The following GRM8 variants were observed in gnomAD, a reference collection of about 807,000 sequenced individuals.
The protein encoded by GRM8 is metabotropic glutamate receptor 8.
GRM8 carries 47 observed loss-of-function variants against 87.2 expected under a neutral mutation model. That is an observed-to-expected ratio of 0.54 (90% CI 0.43 to 0.69). The LOEUF is 0.69. Among genes scored for constraint, GRM8 ranks in the 30% least tolerant of loss-of-function variants. The probability of loss-of-function intolerance (pLI) is 0.00; values close to 1 mark genes in which losing one functional copy is unlikely to be tolerated. For synonymous variants in GRM8, 396 were observed against 404.5 expected (o/e 0.98, Z 0.25); for missense variants, 1,019 against 1,139.2 (o/e 0.89, Z 1.52).
Position 126,719,989 on chromosome 7 carries a change from T to C in GRM8, c.1357+49876A>G, listed in dbSNP as rs73449091. On this transcript the variant is annotated intron_variant, in intron 7 of 10. Coordinates refer to ENST00000339582, the MANE Select transcript of GRM8 (RefSeq NM_000845.3). ...GATAATTTTATCAGTGTCTCTAATT[T>C]ATAATGTCTCTAGTAAGAGTAGCTG... Among the ~76,000 whole-genome samples, 574 of 152,198 alleles carry C rather than the reference T, an allele frequency of 3.8e-3. 5 individuals carry two copies. The highest frequency in any genetic ancestry group is 0.013 in the African/African-American group (529 of 41,556).
intron 1 of GRM8, among the ~76,000 whole-genome samples, chr7:127,249,501 C>G (rs563421761): frequency 6.6e-6 from 1 of 152,242 alleles, no homozygotes; most frequent in South Asian, 2.1e-4. Context: ...GAGTCAGGAG[C>G]GTCTCAACAG....
chr7:126,904,568 A>G lies in GRM8; in HGVS notation c.843T>C (p.Phe281=). The change falls in exon 4 of 11, where the codon TTT becomes TTC. Residue 281 remains phenylalanine (F), a synonymous_variant. Coordinates refer to ENST00000339582, the MANE Select transcript of GRM8 (RefSeq NM_000845.3). ...ETPNARAVIM[F]ANEDDIRRIL... is the part of the protein sequence containing the mutation. ...AGCACCTGATGTCATCCTCATTGGC[A>G]AACATAATCACTGCTCGAGCATTAG... 1 of 1,613,794 alleles carries G rather than the reference A, an allele frequency of 6.2e-7. No individual in the cohort carries two copies. The highest frequency in any genetic ancestry group is 1.3e-5 in the African/African-American group (1 of 75,044).
intron 6 of GRM8, among the ~76,000 whole-genome samples, chr7:126,792,181 G>T (rs1198052254): frequency 6.6e-6 from 1 of 152,166 alleles, no homozygotes; most frequent in East Asian, 1.9e-4. Flanking sequence ...CTCCAGTCCT[G>T]GGTGGCCTCT....
chr7:127,117,915 C>A (rs1453609212), intron 2 of GRM8, among the ~76,000 whole-genome samples: 3 of 152,214 alleles, frequency 2.0e-5, no homozygotes, highest in Admixed American at 6.5e-5. Flanking sequence ...TCGATTTAGA[C>A]TGGCATTCTG....
In GRM8 at chr7:126,921,321, A is replaced by G. The variant is rs1385522099; in HGVS notation, c.728-16638T>C. 2.0e-5 allele frequency among the ~76,000 whole-genome samples: 3 copies of G among 152,280 alleles called. No individual in the cohort carries two copies. The East Asian group carries it at 5.8e-4, about 29-fold the overall frequency. ...AGCAAGTAGAGAAAACATTTCAGAA[A>G]GCAAAACAAATGAAAATGACCATAA... On this transcript the variant is annotated intron_variant, in intron 3 of 10. Transcript: ENST00000339582.
At position 126,484,020 on chromosome 7, in the gene GRM8, C is replaced by T. The variant is rs115131810; in HGVS notation, c.2431-37648G>A. On this transcript the variant is annotated intron_variant, in intron 9 of 10. Coordinates refer to ENST00000339582, the MANE Select transcript of GRM8 (RefSeq NM_000845.3). Reference sequence around the variant, plus strand: ...TATCACAGGTACTTTTGGAAAAGTGCTTTGCTTCATAATAATTACCCTATC... The same window carrying T: ...TATCACAGGTACTTTTGGAAAAGTGTTTTGCTTCATAATAATTACCCTATC... Among the ~76,000 whole-genome samples the T allele has an allele frequency of 4.2e-3, 633 of 152,110 alleles. 5 individuals are homozygous for T. Among genetic ancestry groups the T allele is most frequent in the African/African-American group, 0.015 (610 of 41,512 alleles).
chr7:126,529,054 G>A (rs1052268579), intron 9 of GRM8, among the ~76,000 whole-genome samples: 1 of 152,084 alleles, frequency 6.6e-6, no homozygotes, highest in Non-Finnish European at 1.5e-5. Flanking sequence ...TGAAACAAAG[G>A]ACAACTATAA....
intron 2 of GRM8, among the ~76,000 whole-genome samples, chr7:127,156,485 GT>G (rs1423970032): frequency 6.6e-6 from 1 of 152,160 alleles, no homozygotes; most frequent in Non-Finnish European, 1.5e-5. Context: ...TAAGAGCAGA[GT>G]TTCTTATAAA....
chr7:127,191,837 A>G (rs1795044912), intron 2 of GRM8, among the ~76,000 whole-genome samples: 1 of 152,200 alleles, frequency 6.6e-6, no homozygotes, highest in Non-Finnish European at 1.5e-5. Context: ...AATTTCTGAC[A>G]AGCTTCGTTT....
intron 2 of GRM8, among the ~76,000 whole-genome samples, chr7:127,148,580 C>T (rs182260949): frequency 1.4e-3 from 209 of 151,924 alleles, no homozygotes; most frequent in Non-Finnish European, 2.2e-3. Context: ...TGTTAGGCCA[C>T]GAAACAATCT....
intron 6 of GRM8, among the ~76,000 whole-genome samples, chr7:126,793,341 C>T (rs544379901): frequency 3.3e-5 from 5 of 152,254 alleles, no homozygotes; most frequent in South Asian, 2.1e-4. Context: ...AAGGGCACTG[C>T]GGTCAGAAGG....
In GRM8 at chr7:126,535,314, C is replaced by A. The variant is rs991559615; in HGVS notation, c.1495-1427G>T. 2.6e-4 allele frequency among the ~76,000 whole-genome samples: 40 copies of A among 152,278 alleles called. 1 individual carries two copies. Among genetic ancestry groups the A allele is most frequent in the African/African-American group, 8.9e-4 (37 of 41,566 alleles). ...ATTTTGGTTTCGGCCTTGCTCTCTG[C>A]TGGATAATTCACTCGAGTGGAAGCA... is the stretch of plus-strand genomic sequence containing the variant. On this transcript the variant is annotated intron_variant, in intron 8 of 10. Transcript: ENST00000339582.
intron 6 of GRM8, among the ~76,000 whole-genome samples, chr7:126,805,820 GA>G (rs1446119239): frequency 2.0e-5 from 3 of 152,128 alleles, no homozygotes; most frequent in Admixed American, 1.3e-4. Context: ...ATTAGAATGA[GA>G]ATCCCAGGGT....
intron 9 of GRM8, among the ~76,000 whole-genome samples, chr7:126,524,923 T>G (rs577551388): frequency 1.3e-4 from 20 of 152,350 alleles, no homozygotes; most frequent in African/African-American, 4.3e-4. Context: ...CTAGTTAAAA[T>G]TGTTTTTTAA....
At chr7:127,232,228 A>T (rs1797736008) in intron 2 of GRM8, among the ~76,000 whole-genome samples, 1 of 141,696 alleles carries the variant, frequency 7.1e-6, no homozygotes, top group African/African-American at 2.7e-5. Flanking sequence ...AGAGAGAGAG[A>T]GAGAGAGAGA....
chr7:127,225,187 G>A (rs941904129), intron 2 of GRM8, among the ~76,000 whole-genome samples: 1 of 151,754 alleles, frequency 6.6e-6, no homozygotes, highest in African/African-American at 2.4e-5. Context: ...ACAAGGTGGG[G>A]AGCACAGTCA....
At chr7:126,856,287 G>C (rs1195996505) in intron 6 of GRM8, among the ~76,000 whole-genome samples, 1 of 152,036 alleles carries the variant, frequency 6.6e-6, no homozygotes, top group Non-Finnish European at 1.5e-5. Context: ...TAAATTTGCT[G>C]TCACTGTGAT....
chr7:126,922,594 G>C (rs1396301515), intron 3 of GRM8, among the ~76,000 whole-genome samples: 1 of 152,140 alleles, frequency 6.6e-6, no homozygotes, highest in Non-Finnish European at 1.5e-5. Context: ...AATATCGCTT[G>C]GGTAAAATAC....
At chr7:126,865,416 G>A (rs764709956) in intron 6 of GRM8, among the ~76,000 whole-genome samples, 1 of 152,144 alleles carries the variant, frequency 6.6e-6, no homozygotes, top group South Asian at 2.1e-4. Flanking sequence ...CAGCTTTATA[G>A]AGATATACTT....
Sources: gnomAD v4.1 joint callset for allele counts (sites outside exome capture counted in the v4.1 genomes callset) on GRCh38, gnomAD v4.1.1 for gene constraint, MANE v1.5 for transcripts, NCBI Gene and HGNC (gene_info 2026-07-23, HGNC 2026-07-21) for gene names.